Variants in COL22A1 observed in about 807,000 individuals in gnomAD.
The protein encoded by COL22A1 is collagen alpha-1(XXII) chain.
A neutral mutation model predicts 248.9 loss-of-function variants in COL22A1; 221 were observed. The observed-to-expected ratio is 0.89, with a 90% CI of 0.80 to 0.99. The LOEUF is 0.99. Ranked by LOEUF, COL22A1 falls within the 50% of genes least tolerant of loss-of-function variation. The pLI is 0.00. For synonymous variants in COL22A1, 891 were observed against 793.4 expected, an observed-to-expected ratio of 1.12 and a Z score of -2.07; for missense variants, 2,240 against 2,179.0, an observed-to-expected ratio of 1.03 and a Z score of -0.56.
chr8:138,721,090 T>TA (rs533608832), intron 26 of COL22A1, among the ~76,000 whole-genome samples: 1 of 151,864 alleles, frequency 6.6e-6, no homozygotes, highest in Non-Finnish European at 1.5e-5. Context: ...TTTCTAAGAA[T>TA]AAAAAAAATA....
At chr8:138,817,411 T>G (rs138490220) in intron 7 of COL22A1, among the ~76,000 whole-genome samples, 5 of 152,288 alleles carry the variant, frequency 3.3e-5, no homozygotes, top group Admixed American at 3.3e-4. Flanking sequence ...TGGGTGTTGA[T>G]GCCTGCTTGA....
At chr8:138,682,994 C>T (rs1313781503) in intron 39 of COL22A1, among the ~76,000 whole-genome samples, 7 of 152,130 alleles carry the variant, frequency 4.6e-5, no homozygotes, top group African/African-American at 1.2e-4. Context: ...CCACCGCACC[C>T]GGCCCTACAT....
intron 21 of COL22A1, among the ~76,000 whole-genome samples, chr8:138,754,939 C>T (rs1434596544): frequency 1.3e-5 from 2 of 152,232 alleles, no homozygotes; most frequent in African/African-American, 2.4e-5. Flanking sequence ...AATCCCATTC[C>T]ACACATGGCA....
chr8:138,909,605 CA>C lies in COL22A1; in HGVS notation c.-73+4013del, dbSNP rs564556278. ...ACTTAAAAAAAAAATTTAAGATACC[CA>C]TCAGAACACAGCCAGGGTTAACTAG... On this transcript the variant is annotated intron_variant, in intron 1 of 64. Coordinates refer to ENST00000303045, the MANE Select transcript of COL22A1 (RefSeq NM_152888.3). 1.5e-3 allele frequency among the ~76,000 whole-genome samples: 228 copies of C among 152,118 alleles called. 1 individual carries two copies. The highest frequency in any genetic ancestry group is 4.5e-3 in the African/African-American group (185 of 41,508).
chr8:138,635,014 G>A lies in COL22A1; in HGVS notation c.3605C>T (p.Pro1202Leu), dbSNP rs776910961. The change falls in exon 49 of 65, where the codon CCA becomes CTA. Residue 1202 changes from proline to leucine, a missense_variant. Coordinates refer to ENST00000303045, the MANE Select transcript of COL22A1 (RefSeq NM_152888.3). ...GFMGPPGNPG[P>L]PGADGIAGAA... is the part of the protein sequence containing the mutation. ...GGATTAAAGATGATTACTTACTGGT[G>A]GCCCAGGGTTCCCTGGGGGCCCCAT... is the stretch of plus-strand genomic sequence containing the variant. 17 of 1,601,460 alleles carry A rather than the reference G, an allele frequency of 1.1e-5. 1 individual carries two copies. In the South Asian group the frequency reaches 1.7e-4, roughly 16 times the overall value.
chr8:138,815,340 C>T (rs76649217), intron 7 of COL22A1, among the ~76,000 whole-genome samples: 1,528 of 152,268 alleles, frequency 0.01, 21 homozygotes, highest in African/African-American at 0.032. Context: ...GAGCAAGGAC[C>T]GAATCCCAGG....
At chr8:138,904,580 C>T (rs897200659) in intron 1 of COL22A1, among the ~76,000 whole-genome samples, 1 of 150,626 alleles carries the variant, frequency 6.6e-6, no homozygotes, top group Admixed American at 6.6e-5. Context: ...TTATTTCTTT[C>T]TCATTTTCAG....
chr8:138,841,033 G>A (rs1166067659), intron 4 of COL22A1, among the ~76,000 whole-genome samples: 2 of 152,092 alleles, frequency 1.3e-5, no homozygotes, highest in Non-Finnish European at 1.5e-5. Context: ...TTGTCTGTCT[G>A]CCTTCCTTCC....
At chr8:138,885,593 T>A (rs184980539) in intron 1 of COL22A1, among the ~76,000 whole-genome samples, 279 of 152,296 alleles carry the variant, frequency 1.8e-3, no homozygotes, top group African/African-American at 6.4e-3. Context: ...TGTTTTTTGT[T>A]TTTTTCTGAT....
intron 4 of COL22A1, among the ~76,000 whole-genome samples, chr8:138,836,277 AAAG>A (rs1820423500): frequency 6.6e-6 from 1 of 152,182 alleles, no homozygotes; most frequent in South Asian, 2.1e-4. Flanking sequence ...TTGCAAAGAA[AAAG>A]AAGAAAAGAA....
intron 56 of COL22A1, among the ~76,000 whole-genome samples, chr8:138,608,671 G>C (rs548063172): frequency 2.0e-5 from 3 of 152,162 alleles, no homozygotes; most frequent in Non-Finnish European, 2.9e-5. Context: ...GTAAAAACAA[G>C]AAAGCTCAAG....
chr8:138,694,358 C>G (rs1827325790), intron 34 of COL22A1, 150 bp downstream of exon 34: 1 of 828,194 alleles, frequency 1.2e-6, no homozygotes, highest in Non-Finnish European at 2.1e-6. Context: ...GTGAGGGCCA[C>G]TCAGCCTCTG....
intron 3 of COL22A1, among the ~76,000 whole-genome samples, chr8:138,866,776 G>A (rs1822927843): frequency 6.6e-6 from 1 of 152,014 alleles, no homozygotes; most frequent in Non-Finnish European, 1.5e-5. Context: ...ACCTAGGAGG[G>A]TGTAATGGTT....
chr8:138,674,301 G>A lies in COL22A1; in HGVS notation c.3150+2257C>T, dbSNP rs7010820. On this transcript the variant is annotated intron_variant, in intron 41 of 64. Coordinates refer to ENST00000303045, the MANE Select transcript of COL22A1 (RefSeq NM_152888.3). ...GCAATGTTCCTGTAACGAGGCAACT[G>A]CATCCCCAGTGAACTTGACATGTAC... Among the ~76,000 whole-genome samples the A allele has an allele frequency of 5.1e-3, 773 of 152,248 alleles. 4 individuals carry two copies. Among genetic ancestry groups the A allele is most frequent in the African/African-American group, 0.017 (714 of 41,544 alleles).
chr8:138,790,389 A>G (rs1345469294), intron 12 of COL22A1, among the ~76,000 whole-genome samples: 1 of 152,190 alleles, frequency 6.6e-6, no homozygotes, highest in African/African-American at 2.4e-5. Context: ...GGATTTCAAC[A>G]TATGAATTTG....
intron 22 of COL22A1, among the ~76,000 whole-genome samples, chr8:138,741,944 G>C (rs538744965): frequency 6.7e-6 from 1 of 148,988 alleles, no homozygotes; most frequent in Admixed American, 6.6e-5. Context: ...GGTGGTGATG[G>C]TGATGATAGT....
At chr8:138,698,383 G>A (rs1323589806) in intron 32 of COL22A1, among the ~76,000 whole-genome samples, 1 of 152,208 alleles carries the variant, frequency 6.6e-6, no homozygotes, top group Non-Finnish European at 1.5e-5. Flanking sequence ...TAGCACCTCT[G>A]AGCTGCAGGA....
chr8:138,818,291 C>T (rs377746706), intron 7 of COL22A1, among the ~76,000 whole-genome samples: 13 of 152,204 alleles, frequency 8.5e-5, no homozygotes, highest in African/African-American at 3.1e-4. Flanking sequence ...AGCCTGGCTG[C>T]CCAAGACAGG....
intron 44 of COL22A1, among the ~76,000 whole-genome samples, chr8:138,658,190 A>G (rs945536596): frequency 2.6e-5 from 4 of 152,210 alleles, no homozygotes; most frequent in Admixed American, 6.5e-5. Flanking sequence ...GAGGGATGGA[A>G]CTGTGTAATT....
Sources: allele counts gnomAD v4.1 joint callset (sites outside exome capture counted in the v4.1 genomes callset), GRCh38; gene constraint gnomAD v4.1.1; transcripts MANE v1.5; gene names NCBI Gene and HGNC (gene_info 2026-07-23, HGNC 2026-07-21).